NRXN1: variants seen among roughly 807,000 people sequenced by gnomAD.
The protein encoded by NRXN1 is neurexin-1.
In NRXN1, 39 loss-of-function variants were observed where a neutral mutation model predicts 150.9. The observed-to-expected ratio is 0.26, with a 90% CI of 0.20 to 0.34. The LOEUF (loss-of-function observed/expected upper bound fraction) is 0.34, where lower values mean the gene tolerates loss of function less well. NRXN1 is among the 10% of genes least tolerant of loss of function. NRXN1 has a pLI of 1.00. For synonymous variants in NRXN1, 924 were observed against 757.0 expected (o/e 1.22, Z -3.62); for missense variants, 1,815 against 1,949.9 (o/e 0.93, Z 1.30).
At chr2:51,031,824 G>A (rs1671612517) in intron 1 of NRXN1, among the ~76,000 whole-genome samples, 157 bp downstream of exon 1, 1 of 117,250 alleles carries the variant, frequency 8.5e-6, no homozygotes, top group African/African-American at 3.3e-5. Context: ...AAGGCTTCAT[G>A]CAAAACAACC....
chr2:50,294,142 G>A (rs2073278005), intron 17 of NRXN1, among the ~76,000 whole-genome samples: 2 of 152,126 alleles, frequency 1.3e-5, no homozygotes, highest in Non-Finnish European at 2.9e-5. Context: ...AGAGCTTCAT[G>A]ACTTTAAAGC....
At chr2:50,256,853 A>T (rs2067747772) in intron 17 of NRXN1, among the ~76,000 whole-genome samples, 1 of 152,078 alleles carries the variant, frequency 6.6e-6, no homozygotes, top group Admixed American at 6.6e-5. Context: ...CCTAGTGATG[A>T]CAAAATTGAA....
At chr2:50,760,328 C>T (rs1010106069) in intron 5 of NRXN1, among the ~76,000 whole-genome samples, 8 of 151,830 alleles carry the variant, frequency 5.3e-5, no homozygotes, top group East Asian at 1.9e-4. Flanking sequence ...CATGGAAAGG[C>T]GTTAGTCACA....
chr2:50,559,206 T>C (rs1350809655), intron 8 of NRXN1, among the ~76,000 whole-genome samples: 1 of 152,182 alleles, frequency 6.6e-6, no homozygotes, highest in Admixed American at 6.5e-5. Context: ...CAGTGCACTG[T>C]GTCAAAATAC....
chr2:50,055,129 G>T, intron 19 of NRXN1, 85 bp from the exon 20 acceptor site: 2 of 836,632 alleles, frequency 2.4e-6, no homozygotes, highest in East Asian at 3.2e-5. Flanking sequence ...GAGCTATACA[G>T]TTGCCACATG....
intron 18 of NRXN1, among the ~76,000 whole-genome samples, chr2:50,189,412 G>A: frequency 6.6e-6 from 1 of 152,102 alleles, no homozygotes. Context: ...AATACCTAAT[G>A]TAGATGACAG....
intron 17 of NRXN1, among the ~76,000 whole-genome samples, chr2:50,459,666 T>C (rs1045789334): frequency 6.6e-6 from 1 of 152,188 alleles, no homozygotes; most frequent in Non-Finnish European, 1.5e-5. Context: ...GTTTGCATGG[T>C]ATTCTATGGT....
At chr2:50,532,488 G>C (rs2093143735) in intron 10 of NRXN1, among the ~76,000 whole-genome samples, 1 of 152,094 alleles carries the variant, frequency 6.6e-6, no homozygotes, top group Non-Finnish European at 1.5e-5. Context: ...ATTATGTTTA[G>C]CAAGGTAATT....
intron 19 of NRXN1, among the ~76,000 whole-genome samples, chr2:50,075,913 G>C (rs1697026003): frequency 6.6e-6 from 1 of 152,116 alleles, no homozygotes. Context: ...GGACTCTGGG[G>C]CAGCACCCGA....
At chr2:50,994,225 CTAAG>C (rs1299871570) in intron 2 of NRXN1, among the ~76,000 whole-genome samples, 1 of 151,882 alleles carries the variant, frequency 6.6e-6, no homozygotes, top group Non-Finnish European at 1.5e-5. Flanking sequence ...CAATTAAGTA[CTAAG>C]TTTCATTAAT....
chr2:50,983,955 A>G (rs1209988704), intron 2 of NRXN1, among the ~76,000 whole-genome samples: 1 of 151,472 alleles, frequency 6.6e-6, no homozygotes, highest in East Asian at 1.9e-4. Context: ...GCATTTTTTT[A>G]TTTTTATTTT....
intron 5 of NRXN1, among the ~76,000 whole-genome samples, chr2:50,746,225 G>T (rs1050323720): frequency 6.6e-6 from 1 of 152,016 alleles, no homozygotes; most frequent in African/African-American, 2.4e-5. Flanking sequence ...AGAGCTCACT[G>T]GTGTGAGGGG....
chr2:50,371,797 A>G (rs898816321), intron 17 of NRXN1, among the ~76,000 whole-genome samples: 2 of 151,888 alleles, frequency 1.3e-5, no homozygotes, highest in Non-Finnish European at 2.9e-5. Flanking sequence ...TTTATAAAAT[A>G]TAGTAAAATA....
At chr2:49,974,480 A>C (rs1001374890) in intron 21 of NRXN1, among the ~76,000 whole-genome samples, 2 of 152,188 alleles carry the variant, frequency 1.3e-5, no homozygotes, top group Non-Finnish European at 2.9e-5. Context: ...ATTGCTAAAC[A>C]CAGAGGGGAA....
Position 50,811,859 on chromosome 2 carries a change from A to G in NRXN1, c.832+110010T>C, listed in dbSNP as rs1390256310. Among the ~76,000 whole-genome samples the G allele has an allele frequency of 3.3e-5, 5 of 152,304 alleles. No homozygotes were observed. The South Asian group carries it at 1.0e-3, about 32-fold the overall frequency. ...GAGTAAATAGGTCACAATTCCAAAA[A>G]GAATCTGTATTATTTTTTGACAGTG... is the stretch of plus-strand genomic sequence containing the variant. On this transcript the variant is annotated intron_variant, in intron 5 of 22. Transcript: ENST00000401669.
At chr2:50,518,920 C>A (rs113869820) in intron 12 of NRXN1, among the ~76,000 whole-genome samples, 1 of 141,750 alleles carries the variant, frequency 7.1e-6, no homozygotes, top group African/African-American at 2.6e-5. Flanking sequence ...GAGAAAAAAA[C>A]CCTAAGTTTC....
At chr2:50,064,694 T>C (rs1310563741) in intron 19 of NRXN1, among the ~76,000 whole-genome samples, 1 of 152,204 alleles carries the variant, frequency 6.6e-6, no homozygotes, top group Non-Finnish European at 1.5e-5. Context: ...TTGAATCTTT[T>C]ACTAAACTGA....
chr2:50,173,460 G>T (rs1170064714), intron 18 of NRXN1, among the ~76,000 whole-genome samples: 5 of 152,124 alleles, frequency 3.3e-5, no homozygotes, highest in Non-Finnish European at 5.9e-5. Context: ...GGATTTTGAA[G>T]ATTGAGTACA....
chr2:50,026,101 A>G (rs905592284), intron 21 of NRXN1, among the ~76,000 whole-genome samples: 3 of 152,198 alleles, frequency 2.0e-5, no homozygotes, highest in East Asian at 1.9e-4. Flanking sequence ...TAGAAAATAC[A>G]TCATCCAAGA....
Sources: allele counts gnomAD v4.1 joint callset (sites outside exome capture counted in the v4.1 genomes callset), GRCh38; gene constraint gnomAD v4.1.1; transcripts MANE v1.5; gene names NCBI Gene and HGNC (gene_info 2026-07-23, HGNC 2026-07-21).